Variants in CEP170B observed in about 807,000 individuals in gnomAD.
The protein encoded by CEP170B is centrosomal protein 170B.
In CEP170B, 55 loss-of-function variants were observed where a neutral mutation model predicts 120.6. That is an observed-to-expected ratio of 0.46 (90% CI 0.37 to 0.57). The LOEUF (loss-of-function observed/expected upper bound fraction) is 0.57. Among genes scored for constraint, CEP170B ranks in the 20% least tolerant of loss-of-function variants. CEP170B has a pLI of 0.00. For synonymous variants in CEP170B, 1,033 were observed against 954.5 expected (o/e 1.08, Z -1.52); for missense variants, 2,212 against 2,253.3 (o/e 0.98, Z 0.37).
In CEP170B at chr14:104,892,188, T is replaced by C. The variant is rs554291283; in HGVS notation, c.3879-788T>C. 2.6e-5 allele frequency among the ~76,000 whole-genome samples: 4 copies of C among 152,250 alleles called. No individual in the cohort carries two copies. In the South Asian group the frequency reaches 8.3e-4, roughly 32 times the overall value. On this transcript the variant is annotated intron_variant, in intron 13 of 18. Coordinates refer to ENST00000414716, the MANE Select transcript of CEP170B (RefSeq NM_001112726.3). The stretch of plus-strand genomic sequence containing the variant: ...CTGAAGGCCTAAGTGGGGCAGGACC[T>C]GCTGGTGGCCCAGGTGCTTAAGGGG...
At position 104,886,722 on chromosome 14, in the gene CEP170B, C is replaced by T; in HGVS notation, c.2483C>T (p.Pro828Leu). ...GAGGGCCTAGGGCAGACAGCCCAGC[C>T]CAGCCCCCCAGCACGGGATGGCGTC... is the stretch of plus-strand genomic sequence containing the variant. ...DGEGLGQTAQPSPPARDGVYV... is the reference protein window; with the variant it reads ...DGEGLGQTAQLSPPARDGVYV... Residue 828 changes from proline to leucine, a missense_variant, in exon 12 of 19, where the codon CCC (proline) becomes CTC (leucine). This residue lies in a region of CEP170B where 2,166 missense variants were observed against 2,166.7 expected (regional missense o/e 1.00). Coordinates refer to ENST00000414716, the MANE Select transcript of CEP170B (RefSeq NM_001112726.3). 1 of 1,601,978 alleles carries T rather than the reference C, an allele frequency of 6.2e-7. No individual in the cohort carries two copies. The highest frequency in any genetic ancestry group is 2.2e-5 in the East Asian group (1 of 44,762).
intron 9 of CEP170B, among the ~76,000 whole-genome samples, chr14:104,885,080 T>C (rs1595344603): frequency 8.3e-6 from 1 of 120,902 alleles, no homozygotes; most frequent in Admixed American, 8.4e-5. Context: ...GGGGTGGAGG[T>C]GGGCGGACGT....
At chr14:104,880,839 A>C (rs1038728571) in intron 6 of CEP170B, among the ~76,000 whole-genome samples, 5 of 148,282 alleles carry the variant, frequency 3.4e-5, no homozygotes, top group Non-Finnish European at 7.4e-5. Context: ...GTGCACTCAC[A>C]CCCCCACCCC....
rs1403790647 is a variant in CEP170B at position 104,872,412 on chromosome 14, C to G, written c.106-3844C>G. Among the ~76,000 whole-genome samples, 10 of 59,958 alleles carry G rather than the reference C, an allele frequency of 1.7e-4. 1 individual carries two copies. The South Asian group carries it at 5.6e-3, about 33-fold the overall frequency. 39.3% of individuals were successfully genotyped at this position (59,958 alleles called of 152,430 possible). On this transcript the variant is annotated intron_variant, in intron 2 of 18. Coordinates refer to ENST00000414716, the MANE Select transcript of CEP170B (RefSeq NM_001112726.3). Reference sequence around the variant, plus strand: ...TGTGCCGTGGGTGTGCGTGGGTGTGCCGTGGGTGTGCCGTGCGTGTGTGCG... The same window carrying G: ...TGTGCCGTGGGTGTGCGTGGGTGTGGCGTGGGTGTGCCGTGCGTGTGTGCG...
In CEP170B at chr14:104,878,520, C is replaced by T. The variant is rs533226742; in HGVS notation, c.333+19C>T. 1.2e-5 allele frequency: 19 copies of T among 1,608,512 alleles called. No homozygotes were observed. Among genetic ancestry groups the T allele is most frequent in the East Asian group, 4.5e-5 (2 of 44,848 alleles). ...ACTCAAGGTTAGTGCTGGCCAAGCC[C>T]GGGTGGCTCAGCCACGAGGGCTCAG... is the stretch of plus-strand genomic sequence containing the variant. On this transcript the variant is annotated intron_variant, in intron 5 of 18. Coordinates refer to ENST00000414716, the MANE Select transcript of CEP170B (RefSeq NM_001112726.3).
rs754187902 is a variant in CEP170B, at chr14:104,887,178, G to A, written c.2939G>A (p.Arg980Gln). The A allele has an allele frequency of 5.0e-6, 8 of 1,607,390 alleles. No homozygotes were observed. The African/African-American group carries it at 8.0e-5, about 16-fold the overall frequency. The change falls in exon 12 of 19, where the codon CGG becomes CAG. Residue 980 changes from arginine (R) to glutamine (Q), a missense_variant. Arg to Gln is a conservative substitution (Grantham distance 43, BLOSUM62 1). This residue lies in a region of CEP170B where 2,166 missense variants were observed against 2,166.7 expected (regional missense o/e 1.00). Transcript: ENST00000414716. ...GPSPTTPQPL[R>Q]AQKEMSPSPP... ...AGCCCCACAACCCCCCAGCCTCTGC[G>A]GGCACAGAAGGAGATGTCGCCATCC...
intron 5 of CEP170B, 66 bp downstream of exon 5, chr14:104,878,567 C>A: frequency 6.5e-7 from 1 of 1,527,520 alleles, no homozygotes; most frequent in Non-Finnish European, 9.0e-7. Flanking sequence ...CCCCACCATG[C>A]TCCCGCTGCC....
intron 2 of CEP170B, among the ~76,000 whole-genome samples, chr14:104,872,486 T>TGCGTGTGGGTGG (rs1895621545): frequency 1.1e-5 from 1 of 94,230 alleles, no homozygotes; most frequent in African/African-American, 2.8e-5. Flanking sequence ...TGTGCGTGTG[T>TGCGTGTGGGTGG]GCCGTGTGTG....
At position 104,887,143 on chromosome 14, in the gene CEP170B, G is replaced by C. The variant is rs1268223014; in HGVS notation, c.2904G>C (p.Lys968Asn). 2 of 1,609,690 alleles carry C rather than the reference G, an allele frequency of 1.2e-6. No homozygotes were observed. The highest frequency in any genetic ancestry group is 1.7e-5 in the Admixed American group (1 of 59,990). ...GCACCGTCAGCCTGCGTAGTGGCAA[G>C]AGCGGGCCCAGCCCCACAACCCCCC... ...TASTVSLRSGKSGPSPTTPQP... is the reference protein window; with the variant it reads ...TASTVSLRSGNSGPSPTTPQP... The change falls in exon 12 of 19, where the codon AAG becomes AAC. Residue 968 changes from lysine to asparagine, a missense_variant. By Grantham distance (94) the Lys-to-Asn change is moderately conservative. Coordinates refer to ENST00000414716, the MANE Select transcript of CEP170B (RefSeq NM_001112726.3).
chr14:104,885,928 G>T, intron 10 of CEP170B, 112 bp from the exon 11 acceptor site: 4 of 935,108 alleles, frequency 4.3e-6, no homozygotes. Context: ...TGGGTGGCGC[G>T]CATGCGTGGG....
At chr14:104,894,682 G>T (rs768527128) in intron 18 of CEP170B, 29 bp from the exon 19 acceptor site, 1 of 1,569,408 alleles carries the variant, frequency 6.4e-7, no homozygotes, top group Non-Finnish European at 8.7e-7. Context: ...AACTGGATCC[G>T]CAGCCTGACC....
rs950369108 is a variant in CEP170B, at chr14:104,887,513, C to T, written c.3274C>T (p.Arg1092Trp). ...GGCCCCACCGCCATCCCCAGCTGCC[C>T]GGGAGGAGCAGAGCCGTAGCTCAGC... ...PAAPPPSPAA[R>W]EEQSRSSASS... The change falls in exon 12 of 19, where the codon CGG becomes TGG. Residue 1092 changes from arginine (R) to tryptophan (W), a missense_variant. Physicochemically the swap from Arg to Trp is moderately radical, Grantham distance 101. This residue lies in a region of CEP170B where 2,166 missense variants were observed against 2,166.7 expected (regional missense o/e 1.00). Transcript: ENST00000414716. 1.2e-5 allele frequency: 20 copies of T among 1,611,672 alleles called. No homozygotes were observed. The highest frequency in any genetic ancestry group is 2.2e-5 in the East Asian group (1 of 44,880).
At position 104,887,785 on chromosome 14, in the gene CEP170B, G is replaced by T. The variant is rs1040449250; in HGVS notation, c.3546G>T (p.Gly1182=). ...GGAAGCGGGCCGGCTCCTTCACAGG[G>T]ACTAGTGACCCCGAGGCAGCCCCTG... is the stretch of plus-strand genomic sequence containing the variant. The part of the protein sequence containing the change: ...MPRKRAGSFT[G]TSDPEAAPAR... Residue 1182 remains glycine (G), a synonymous_variant, in exon 12 of 19, where the codon GGG becomes GGT. Transcript: ENST00000414716. 3 of 1,586,598 alleles carry T rather than the reference G, an allele frequency of 1.9e-6. No individual in the cohort carries two copies. The highest frequency in any genetic ancestry group is 2.6e-6 in the Non-Finnish European group (3 of 1,168,498).
chr14:104,875,903 C>T (rs1487513902), intron 2 of CEP170B, among the ~76,000 whole-genome samples: 1 of 152,182 alleles, frequency 6.6e-6, no homozygotes, highest in Non-Finnish European at 1.5e-5. Context: ...GGGAGGGCTC[C>T]CTGAGACAAG....
intron 8 of CEP170B, 149 bp from the exon 9 acceptor site, chr14:104,883,682 C>G: frequency 9.5e-7 from 1 of 1,049,278 alleles, no homozygotes; most frequent in Non-Finnish European, 1.3e-6. Context: ...TGCGTCTTCC[C>G]GTTGCACTTC....
At chr14:104,892,030 G>A (rs1278128703) in intron 13 of CEP170B, among the ~76,000 whole-genome samples, 2 of 152,152 alleles carry the variant, frequency 1.3e-5, no homozygotes, top group East Asian at 1.9e-4. Context: ...GTAGGGGTAG[G>A]GGGAGGGCCC....
At position 104,878,475 on chromosome 14, in the gene CEP170B, C is replaced by T. The variant is rs748122914; in HGVS notation, c.307C>T (p.His103Tyr). Reference protein sequence around the residue: ...SNMYVLERVQHRVPEEALKHE... With the variant: ...SNMYVLERVQYRVPEEALKHE... ...CATGTATGTGCTGGAGCGTGTGCAGCACCGAGTCCCGGAGGAGGCACTCAA... is the reference window on the plus strand; with the variant it reads ...CATGTATGTGCTGGAGCGTGTGCAGTACCGAGTCCCGGAGGAGGCACTCAA... Residue 103 changes from histidine (H) to tyrosine (Y), a missense_variant, in exon 5 of 19, where the codon CAC becomes TAC. Coordinates refer to ENST00000414716, the MANE Select transcript of CEP170B (RefSeq NM_001112726.3). 6.2e-7 allele frequency: 1 copy of T among 1,612,208 alleles called. No individual in the cohort carries two copies. The highest frequency in any genetic ancestry group is 8.5e-7 in the Non-Finnish European group (1 of 1,179,760).
In CEP170B at chr14:104,892,995, A is replaced by G. The variant is rs1896917801; in HGVS notation, c.3898A>G (p.Lys1300Glu). ...EIARLSQTLV[K>E]DVAILAQEIH... ...CTGCAGGCTGAGCCAGACGCTGGTG[A>G]AGGACGTGGCCATCCTAGCCCAGGA... is the stretch of plus-strand genomic sequence containing the variant. Residue 1300 changes from lysine (K) to glutamate (E), a missense_variant, in exon 14 of 19, where the codon AAG (lysine) becomes GAG (glutamate). Around this residue, in one of 2 missense-constraint regions of CEP170B, gnomAD observed 2,166 missense variants for 2,166.7 expected, o/e 1.00. Coordinates refer to ENST00000414716, the MANE Select transcript of CEP170B (RefSeq NM_001112726.3). 3.2e-6 allele frequency: 5 copies of G among 1,572,472 alleles called. No individual in the cohort carries two copies. The East Asian group carries it at 1.2e-4, about 37-fold the overall frequency.
At chr14:104,885,836 G>T (rs964486729) in intron 10 of CEP170B, among the ~76,000 whole-genome samples, 2 of 152,236 alleles carry the variant, frequency 1.3e-5, no homozygotes, top group Non-Finnish European at 1.5e-5. Context: ...CAGGCAGGGG[G>T]TCGCGTTGGA....
Sources: gnomAD v4.1 joint callset for allele counts (sites outside exome capture counted in the v4.1 genomes callset) on GRCh38, gnomAD v4.1.1 for gene constraint, gnomAD v4.1.1 regional missense constraint, MANE v1.5 for transcripts, NCBI Gene and HGNC (gene_info 2026-07-23, HGNC 2026-07-21) for gene names.